Variants in ZDHHC15 observed in about 807,000 individuals in gnomAD.
ZDHHC15 encodes zDHHC palmitoyltransferase 15, also known as palmitoyltransferase ZDHHC15.
A neutral mutation model predicts 31.7 loss-of-function variants in ZDHHC15; 19 were observed. That is an observed-to-expected ratio of 0.60 (90% CI 0.42 to 0.88). The LOEUF is 0.88. Ranked by LOEUF, ZDHHC15 falls within the 40% of genes least tolerant of loss-of-function variation. The pLI, the probability that ZDHHC15 is intolerant of heterozygous loss-of-function variation, is 0.00. For missense variants in ZDHHC15, 209 were observed against 251.2 expected (o/e 0.83, Z 1.14); for synonymous variants, 103 against 90.0 (o/e 1.14, Z -0.82).
chrX:75,441,672 G>A (rs1223544492), intron 4 of ZDHHC15, among the ~76,000 whole-genome samples: 1 of 104,033 alleles, frequency 9.6e-6, no homozygotes, highest in Non-Finnish European at 2.0e-5. Flanking sequence ...CGCCCAGGCT[G>A]GAGTACAGTG....
At chrX:75,388,239 A>G (rs1480390478) in intron 10 of ZDHHC15, among the ~76,000 whole-genome samples, 1 of 112,512 alleles carries the variant, frequency 8.9e-6, no homozygotes, top group African/African-American at 3.2e-5. Flanking sequence ...ATTTGAAGGT[A>G]TACAATCCAC....
chrX:75,394,032 C>T (rs1420188000), intron 10 of ZDHHC15, among the ~76,000 whole-genome samples: 1 of 111,378 alleles, frequency 9.0e-6, no homozygotes, highest in East Asian at 2.8e-4. Flanking sequence ...AAGAATGAGT[C>T]TGCTGTTCCC....
chrX:75,492,616 G>A (rs747873296), intron 2 of ZDHHC15, among the ~76,000 whole-genome samples: 1 of 111,694 alleles, frequency 9.0e-6, no homozygotes, highest in African/African-American at 3.2e-5. Flanking sequence ...TAGAAATCAG[G>A]ATTAAGAAAC....
intron 11 of ZDHHC15, among the ~76,000 whole-genome samples, chrX:75,378,414 C>G (rs752848761): frequency 8.9e-6 from 1 of 112,059 alleles, no homozygotes; most frequent in African/African-American, 3.2e-5. Flanking sequence ...AGGGAAAGAA[C>G]TGAAGACCTG....
intron 2 of ZDHHC15, among the ~76,000 whole-genome samples, chrX:75,489,395 T>A (rs764705708): frequency 1.3e-4 from 14 of 111,221 alleles, no homozygotes; most frequent in Non-Finnish European, 2.6e-4. Flanking sequence ...AGACAAAACA[T>A]CCAGAGGAAT....
chrX:75,441,059 C>T (rs150875041), intron 4 of ZDHHC15, among the ~76,000 whole-genome samples: 131 of 111,817 alleles, frequency 1.2e-3, no homozygotes, highest in African/African-American at 3.8e-3. Flanking sequence ...TCCAGGAAGC[C>T]GGTTTGCAGG....
chrX:75,516,334 T>A (rs2085355933), intron 1 of ZDHHC15, among the ~76,000 whole-genome samples: 1 of 111,917 alleles, frequency 8.9e-6, no homozygotes. Flanking sequence ...GACTTCAAAC[T>A]ATACTACAAG....
intron 3 of ZDHHC15, among the ~76,000 whole-genome samples, chrX:75,473,009 C>T (rs973289112): frequency 8.9e-6 from 1 of 112,108 alleles, no homozygotes; most frequent in East Asian, 2.8e-4. Context: ...ACCTATCCTG[C>T]ACACAATGCT....
At chrX:75,456,834 C>G (rs997730375) in intron 3 of ZDHHC15, among the ~76,000 whole-genome samples, 3 of 111,392 alleles carry the variant, frequency 2.7e-5, no homozygotes, top group African/African-American at 9.8e-5. Context: ...TCTCCCCTGT[C>G]AAGGCCACAT....
intron 4 of ZDHHC15, among the ~76,000 whole-genome samples, chrX:75,449,226 A>G (rs924469760): frequency 1.9e-5 from 2 of 104,083 alleles, no homozygotes; most frequent in African/African-American, 7.4e-5. Flanking sequence ...ACACACACAC[A>G]CACACACACA....
intron 3 of ZDHHC15, among the ~76,000 whole-genome samples, chrX:75,452,666 C>T (rs2084143683): frequency 8.9e-6 from 1 of 111,876 alleles, no homozygotes; most frequent in South Asian, 3.7e-4. Context: ...TGTAAAAGAA[C>T]AGAAATCATA....
Position 75,421,899 on chromosome X carries a change from A to G in ZDHHC15, c.828T>C (p.Asp276=). The change falls in exon 9 of 12, where the codon GAT becomes GAC. Residue 276 remains aspartate, a synonymous_variant. Coordinates refer to ENST00000373367, the MANE Select transcript of ZDHHC15 (RefSeq NM_144969.3). ...FIKNIQQVFG[D]KKKFWLIPIG... Reference sequence around the variant, plus strand: ...TAGGTATTAACCAGAACTTCTTCTTATCTCCAAACACCTGCTGGATATTCT... The same window carrying G: ...TAGGTATTAACCAGAACTTCTTCTTGTCTCCAAACACCTGCTGGATATTCT... 6 of 1,210,409 alleles carry G rather than the reference A, an allele frequency of 5.0e-6. No individual in the cohort carries two copies. Among genetic ancestry groups the G allele is most frequent in the South Asian group, 1.8e-5 (1 of 56,862 alleles).
At chrX:75,463,320 A>G (rs985146807) in intron 3 of ZDHHC15, among the ~76,000 whole-genome samples, 2 of 111,105 alleles carry the variant, frequency 1.8e-5, no homozygotes, top group Non-Finnish European at 3.8e-5. Context: ...GAATTCTACC[A>G]GAGTTACAAA....
chrX:75,414,822 G>A (rs2083530801), intron 10 of ZDHHC15, among the ~76,000 whole-genome samples: 2 of 106,784 alleles, frequency 1.9e-5, no homozygotes, highest in African/African-American at 6.8e-5. Flanking sequence ...GTAGAGTGCA[G>A]TGGCACGATC....
intron 2 of ZDHHC15, 33 bp from the exon 3 acceptor site, chrX:75,479,018 T>C (rs769845960): frequency 1.4e-5 from 14 of 978,840 alleles, no homozygotes; most frequent in African/African-American, 1.4e-4. Flanking sequence ...GTTTATACTA[T>C]CTTTTTATCC....
At chrX:75,389,668 A>C (rs2083219845) in intron 10 of ZDHHC15, among the ~76,000 whole-genome samples, 1 of 110,965 alleles carries the variant, frequency 9.0e-6, no homozygotes. Context: ...ATCACCTGCT[A>C]ACTAAAGAGC....
intron 1 of ZDHHC15, among the ~76,000 whole-genome samples, chrX:75,515,408 G>A (rs2085340935): frequency 9.0e-6 from 1 of 111,181 alleles, no homozygotes; most frequent in South Asian, 3.9e-4. Flanking sequence ...CTTCATCCCT[G>A]GGATGCAAGG....
chrX:75,516,967 C>G (rs1243129956), intron 1 of ZDHHC15, among the ~76,000 whole-genome samples: 1 of 112,119 alleles, frequency 8.9e-6, no homozygotes, highest in Non-Finnish European at 1.9e-5. Flanking sequence ...ATTTATGCAG[C>G]CAAAAGATAC....
intron 4 of ZDHHC15, among the ~76,000 whole-genome samples, chrX:75,445,263 T>C (rs780603958): frequency 8.1e-5 from 9 of 111,675 alleles, no homozygotes; most frequent in Non-Finnish European, 1.7e-4. Context: ...TTTCTGGAAT[T>C]GGCTCTTCAA....
Sources: allele counts gnomAD v4.1 joint callset (sites outside exome capture counted in the v4.1 genomes callset), GRCh38; gene constraint gnomAD v4.1.1; transcripts MANE v1.5; gene names NCBI Gene and HGNC (gene_info 2026-07-23, HGNC 2026-07-21).